Variants in NEK10 observed in about 807,000 individuals in gnomAD.
NEK10 encodes NIMA related kinase 10.
Under a neutral mutation model 159.8 loss-of-function variants are expected in NEK10, and 122 were observed. The observed-to-expected ratio is 0.76, with a 90% CI of 0.66 to 0.89. The LOEUF is 0.89. Ranked by LOEUF, NEK10 falls within the 40% of genes least tolerant of loss-of-function variation. The pLI, the probability that NEK10 is intolerant of heterozygous loss-of-function variation, is 0.00. For synonymous variants in NEK10, 466 were observed against 457.1 expected (o/e 1.02, Z -0.25); for missense variants, 1,342 against 1,323.1 (o/e 1.01, Z -0.22).
At chr3:27,299,730 C>T (rs929675708) in intron 13 of NEK10, among the ~76,000 whole-genome samples, 1 of 152,208 alleles carries the variant, frequency 6.6e-6, no homozygotes, top group Admixed American at 6.5e-5. Context: ...ATAGCATCAG[C>T]GTGACCCAGA....
chr3:27,310,783 C>G (rs2044629174), intron 9 of NEK10, 166 bp downstream of exon 9: 1 of 472,602 alleles, frequency 2.1e-6, no homozygotes, highest in Non-Finnish European at 3.7e-6. Context: ...ACTTGTAATG[C>G]TGGTAAAGAA....
rs145004931 is a variant in NEK10 at position 27,276,685 on chromosome 3, C to A, written c.2014+7917G>T. On this transcript the variant is annotated intron_variant, in intron 22 of 35. Transcript: ENST00000691995. ...GGCAGAGCAATCTTCACAAACTCAG[C>A]CTCTTTCTCAACTGTTCTCATACCT... Among the ~76,000 whole-genome samples the A allele has an allele frequency of 8.7e-3, 1,320 of 152,242 alleles. 18 individuals are homozygous for A. Among genetic ancestry groups the A allele is most frequent in the African/African-American group, 0.029 (1,212 of 41,544 alleles).
chr3:27,157,715 T>G lies in NEK10; in HGVS notation c.2869+4986A>C, dbSNP rs143688652. Among the ~76,000 whole-genome samples, 155 of 152,302 alleles carry G rather than the reference T, an allele frequency of 1.0e-3. 2 individuals are homozygous for G. The East Asian group carries it at 0.026, about 25-fold the overall frequency. ...CCAGTTTTTGTAAGAAGTTCTACTGTGAGTAAGATGCTATCAAACAGCATC... is the reference window on the plus strand; with the variant it reads ...CCAGTTTTTGTAAGAAGTTCTACTGGGAGTAAGATGCTATCAAACAGCATC... On this transcript the variant is annotated intron_variant, in intron 30 of 35. Coordinates refer to ENST00000691995, the MANE Select transcript of NEK10 (RefSeq NM_001394966.1).
chr3:27,347,481 A>T (rs2149797878), intron 3 of NEK10, among the ~76,000 whole-genome samples: 1 of 142,024 alleles, frequency 7.0e-6, no homozygotes, highest in South Asian at 2.4e-4. Flanking sequence ...CAGTCTGGGC[A>T]ACAAGAGTGA....
intron 6 of NEK10, among the ~76,000 whole-genome samples, chr3:27,319,356 C>G (rs1289730425): frequency 6.6e-6 from 1 of 152,106 alleles, no homozygotes; most frequent in Non-Finnish European, 1.5e-5. Flanking sequence ...CCAGTCTTTC[C>G]TGGCTGGAAC....
At chr3:27,248,012 T>C (rs1413715732) in intron 23 of NEK10, among the ~76,000 whole-genome samples, 1 of 152,072 alleles carries the variant, frequency 6.6e-6, no homozygotes, top group Non-Finnish European at 1.5e-5. Context: ...AGGTTTTCTT[T>C]ACTGGGAGAC....
At position 27,358,649 on chromosome 3, in the gene NEK10, A is replaced by G. The variant is rs180732880; in HGVS notation, c.-37-5730T>C. On this transcript the variant is annotated intron_variant, in intron 1 of 35. Coordinates refer to ENST00000691995, the MANE Select transcript of NEK10 (RefSeq NM_001394966.1). The stretch of plus-strand genomic sequence containing the variant: ...TGTGCAATATTAACCTACTAACTAA[A>G]TAACATAGGGAGTATTTGTGATATG... Among the ~76,000 whole-genome samples the G allele has an allele frequency of 7.9e-5, 12 of 152,288 alleles. No homozygotes were observed. In the East Asian group the frequency reaches 2.3e-3, roughly 29 times the overall value.
At chr3:27,201,692 C>G in intron 24 of NEK10, 112 bp from the exon 25 acceptor site, 1 of 738,874 alleles carries the variant, frequency 1.4e-6, no homozygotes, top group Non-Finnish European at 2.3e-6. Context: ...TAACTTCACA[C>G]ATAAATTTTA....
At position 27,107,249 on chromosome 3, in the gene NEK10, C is replaced by A. The variant is rs1939086594; in HGVS notation, c.*4023G>T. Among the ~76,000 whole-genome samples, 1 of 152,044 alleles carries A rather than the reference C, an allele frequency of 6.6e-6. No individual in the cohort carries two copies. Among genetic ancestry groups the A allele is most frequent in the African/African-American group, 2.4e-5 (1 of 41,398 alleles). On this transcript the variant is annotated 3_prime_UTR_variant, in exon 36 of 36. Coordinates refer to ENST00000691995, the MANE Select transcript of NEK10 (RefSeq NM_001394966.1). ...GTAAATTGGCAATATCCATCAGACA[C>A]CCCATGAAACTCATAAAATCTTTCC... is the stretch of plus-strand genomic sequence containing the variant.
intron 1 of NEK10, among the ~76,000 whole-genome samples, chr3:27,361,791 C>A (rs1215636635): frequency 6.6e-6 from 1 of 152,082 alleles, no homozygotes; most frequent in Non-Finnish European, 1.5e-5. Context: ...ACTAGAAGTA[C>A]TTTCTGAGCT....
intron 14 of NEK10, among the ~76,000 whole-genome samples, chr3:27,296,097 C>G (rs636838): frequency 0.012 from 1,866 of 151,962 alleles, 13 homozygotes; most frequent in South Asian, 0.023. Context: ...TAATTTATGT[C>G]TTTATTATAA....
chr3:27,358,586 T>C (rs2048473256), intron 1 of NEK10, among the ~76,000 whole-genome samples: 3 of 152,142 alleles, frequency 2.0e-5, no homozygotes, highest in African/African-American at 7.2e-5. Flanking sequence ...AAGAAACACA[T>C]GCCATGGCAA....
chr3:27,316,807 GAGAGAGAC>G (rs986808430), intron 6 of NEK10, among the ~76,000 whole-genome samples: 3 of 151,812 alleles, frequency 2.0e-5, no homozygotes, highest in Non-Finnish European at 4.4e-5. Flanking sequence ...AAAGAAAAGA[GAGAGAGAC>G]AGAGAGAAAG....
At chr3:27,284,745 C>A (rs1197663112) in intron 21 of NEK10, 41 bp from the exon 22 acceptor site, 1 of 1,535,224 alleles carries the variant, frequency 6.5e-7, no homozygotes, top group Non-Finnish European at 9.0e-7. Flanking sequence ...TTTCCCCCAA[C>A]ATACATATAG....
rs2049327892 is a variant in NEK10, at chr3:27,369,165, C to T, written c.-38+60G>A. ...CCACAGGGACCTGAGGACGTCTCCC[C>T]GGAGACCCTGACTCAAGCTGCTCGC... On this transcript the variant is annotated intron_variant, in intron 1 of 35. Coordinates refer to ENST00000691995, the MANE Select transcript of NEK10 (RefSeq NM_001394966.1). The surrounding 1 kb of genome is among the most constrained non-coding windows in gnomAD (Gnocchi z 4.2). 6.6e-6 allele frequency: 1 copy of T among 152,224 alleles called. No individual in the cohort carries two copies. Among genetic ancestry groups the T allele is most frequent in the Admixed American group, 6.5e-5 (1 of 15,280 alleles). 9.4% of individuals were successfully genotyped at this position (152,224 alleles called of 1,614,324 possible).
Position 27,108,951 on chromosome 3 carries a change from AC to A in NEK10, c.*2320del, listed in dbSNP as rs1939244649. On this transcript the variant is annotated 3_prime_UTR_variant, in exon 36 of 36. Transcript: ENST00000691995. Reference sequence around the variant, plus strand: ...GAGAATTCAAATAGAGCATATTCATACTTTTAGCAAAACAATACATCTATCC... The same window carrying A: ...GAGAATTCAAATAGAGCATATTCATATTTTAGCAAAACAATACATCTATCC... 6.6e-6 allele frequency among the ~76,000 whole-genome samples: 1 copy of A among 152,236 alleles called. No homozygotes were observed. The highest frequency in any genetic ancestry group is 6.5e-5 in the Admixed American group (1 of 15,282).
chr3:27,300,203 G>T (rs551847340), intron 13 of NEK10, among the ~76,000 whole-genome samples: 1 of 152,282 alleles, frequency 6.6e-6, no homozygotes, highest in South Asian at 2.1e-4. Flanking sequence ...TTATGGGGGT[G>T]GGTCTTTCCT....
chr3:27,337,035 G>T (rs373673100), intron 5 of NEK10, among the ~76,000 whole-genome samples: 2 of 151,700 alleles, frequency 1.3e-5, no homozygotes, highest in Non-Finnish European at 1.5e-5. Context: ...TTTGGCGGGG[G>T]GGAAAGGAAG....
rs1488018515 is a variant in NEK10 at position 27,141,583 on chromosome 3, C to T, written c.2870-1G>A. On this transcript the variant is annotated splice_acceptor_variant, in intron 30 of 35. Coordinates refer to ENST00000691995, the MANE Select transcript of NEK10 (RefSeq NM_001394966.1). LOFTEE classifies it high-confidence loss of function. Reference sequence around the variant, plus strand: ...TGGGACACAGCAATTCCTGCTGATGCTGTGGGTGATAAATTTTGTAGTTAG... The same window carrying T: ...TGGGACACAGCAATTCCTGCTGATGTTGTGGGTGATAAATTTTGTAGTTAG... 3 of 1,609,360 alleles carry T rather than the reference C, an allele frequency of 1.9e-6. No homozygotes were observed. The South Asian group carries it at 3.3e-5, about 18-fold the overall frequency.
Sources: gnomAD v4.1 joint callset for allele counts (sites outside exome capture counted in the v4.1 genomes callset) on GRCh38, gnomAD v4.1.1 for gene constraint, Gnocchi (gnomAD v3.1) non-coding constraint, MANE v1.5 for transcripts, NCBI Gene and HGNC (gene_info 2026-07-23, HGNC 2026-07-21) for gene names.